ZFHX3: variants seen among roughly 807,000 people sequenced by gnomAD.
ZFHX3 encodes zinc finger homeobox 3, also known as zinc finger homeobox protein 3.
ZFHX3 carries 42 observed loss-of-function variants against 279.1 expected under a neutral mutation model. The ratio of observed to expected loss-of-function variants is 0.15; its 90% CI spans 0.12 to 0.19. ZFHX3 has a LOEUF of 0.19. Ranked by LOEUF, ZFHX3 falls within the 10% of genes least tolerant of loss-of-function variation. ZFHX3 has a pLI of 1.00. For synonymous variants in ZFHX3, 2,293 were observed against 1,957.8 expected (o/e 1.17, Z -4.52); for missense variants, 4,981 against 4,754.0 (o/e 1.05, Z -1.40).
intron 3 of ZFHX3, chr16:73,388,747 C>T (rs2016951639): frequency 6.6e-6 from 1 of 152,392 alleles, no homozygotes; most frequent in East Asian, 1.9e-4. Flanking sequence ...CCAGCCAATC[C>T]GATGCACCAA....
At chr16:73,741,659 C>G (rs772878317) in intron 1 of ZFHX3, among the ~76,000 whole-genome samples, 1 of 152,184 alleles carries the variant, frequency 6.6e-6, no homozygotes. Flanking sequence ...AAGTAGGAGA[C>G]AAAATGCCAT....
At chr16:73,026,673 C>CAAAAAAAAAAAAAAAAAAAAAA (rs10561679) in intron 1 of ZFHX3, among the ~76,000 whole-genome samples, 1 of 79,624 alleles carries the variant, frequency 1.3e-5, no homozygotes, top group East Asian at 3.2e-4. Context: ...AAAACTGCCT[C>CAAAAAAAAAAAAAAAAAAAAAA]AAAAAAAAAA....
chr16:73,192,658 C>T (rs1163191239), intron 5 of ZFHX3, among the ~76,000 whole-genome samples: 1 of 152,174 alleles, frequency 6.6e-6, no homozygotes, highest in East Asian at 1.9e-4. Flanking sequence ...AGGGCTGATC[C>T]TGTTTTTGAA....
chr16:73,727,535 A>G (rs2053529766), intron 1 of ZFHX3, among the ~76,000 whole-genome samples: 1 of 152,196 alleles, frequency 6.6e-6, no homozygotes, highest in South Asian at 2.1e-4. Context: ...TTCTTCTACC[A>G]TTAAGGATTG....
upstream of ZFHX3, among the ~76,000 whole-genome samples, chr16:73,049,162 C>T (rs1965403557): frequency 1.3e-5 from 2 of 152,322 alleles, no homozygotes; most frequent in South Asian, 4.1e-4. Context: ...CATCTGAAAG[C>T]CAGCCCCAAA....
At chr16:73,336,270 A>C (rs984282523) in intron 3 of ZFHX3, among the ~76,000 whole-genome samples, 3 of 152,144 alleles carry the variant, frequency 2.0e-5, no homozygotes, top group Non-Finnish European at 4.4e-5. Flanking sequence ...TCAGGGGTAC[A>C]TGTGCAGGTC....
chr16:73,577,126 C>G (rs1432558781), intron 2 of ZFHX3, among the ~76,000 whole-genome samples: 1 of 152,060 alleles, frequency 6.6e-6, no homozygotes, highest in African/African-American at 2.4e-5. Flanking sequence ...CAGGTCTCTA[C>G]CAGCAAAAAC....
chr16:73,109,768 G>A (rs1000716302), intron 7 of ZFHX3, among the ~76,000 whole-genome samples: 1 of 152,044 alleles, frequency 6.6e-6, no homozygotes, highest in African/African-American at 2.4e-5. Context: ...AGAGTCACTT[G>A]AACCTGGGAG....
chr16:73,265,851 C>G (rs1011689815), intron 4 of ZFHX3, among the ~76,000 whole-genome samples: 3 of 152,080 alleles, frequency 2.0e-5, no homozygotes, highest in African/African-American at 7.2e-5. Context: ...GTATGCTGGT[C>G]AAAGCATAAA....
At chr16:73,721,415 C>A (rs372159135) in intron 1 of ZFHX3, among the ~76,000 whole-genome samples, 12 of 152,178 alleles carry the variant, frequency 7.9e-5, no homozygotes, top group Non-Finnish European at 2.9e-5. Context: ...AGCCACCCAG[C>A]CTTCTTCCTC....
chr16:72,853,552 GC>G (rs2037671955), intron 4 of ZFHX3, among the ~76,000 whole-genome samples: 1 of 152,192 alleles, frequency 6.6e-6, no homozygotes, highest in Admixed American at 6.5e-5. Context: ...TTTACAATTA[GC>G]CTGGCTTTCC....
chr16:72,896,945 C>T (rs1005755786), intron 3 of ZFHX3, among the ~76,000 whole-genome samples: 2 of 152,230 alleles, frequency 1.3e-5, no homozygotes, highest in African/African-American at 4.8e-5. Context: ...CACCCGTGGC[C>T]GCCCTCTCGG....
At chr16:73,878,642 T>G (rs531650707) in intron 1 of ZFHX3, among the ~76,000 whole-genome samples, 2 of 152,172 alleles carry the variant, frequency 1.3e-5, no homozygotes, top group Non-Finnish European at 2.9e-5. Flanking sequence ...TTCTTTTTCT[T>G]AAGTCAAATC....
intron 2 of ZFHX3, among the ~76,000 whole-genome samples, chr16:73,632,684 C>CAAAA (rs61449751): frequency 2.8e-5 from 3 of 107,344 alleles, no homozygotes; most frequent in Admixed American, 9.9e-5. Context: ...GACTCTGTCT[C>CAAAA]AAAAAAAAAA....
chr16:73,308,167 G>A (rs182350128), intron 4 of ZFHX3, among the ~76,000 whole-genome samples: 304 of 141,756 alleles, frequency 2.1e-3, no homozygotes, highest in African/African-American at 7.4e-3. Context: ...TTGAGATTTA[G>A]GTTTGGCTGT....
intron 3 of ZFHX3, among the ~76,000 whole-genome samples, chr16:73,433,510 T>A (rs148893222): frequency 1.3e-5 from 2 of 152,046 alleles, no homozygotes; most frequent in East Asian, 3.9e-4. Context: ...CGTTTATAAG[T>A]TTTCAAATCC....
intron 3 of ZFHX3, among the ~76,000 whole-genome samples, chr16:73,329,273 G>T (rs914805254): frequency 2.0e-5 from 3 of 152,248 alleles, no homozygotes; most frequent in African/African-American, 7.2e-5. Context: ...CACATGGTGG[G>T]GAGCACGGGG....
At chr16:73,534,699 T>C (rs1320459511) in intron 2 of ZFHX3, among the ~76,000 whole-genome samples, 1 of 152,208 alleles carries the variant, frequency 6.6e-6, no homozygotes, top group Non-Finnish European at 1.5e-5. Flanking sequence ...TAATGCACAA[T>C]AAATGTTAGC....
intron 2 of ZFHX3, among the ~76,000 whole-genome samples, chr16:73,514,486 A>ACTT (rs2019486784): frequency 6.6e-6 from 1 of 152,154 alleles, no homozygotes; most frequent in African/African-American, 2.4e-5. Flanking sequence ...TATTATTATT[A>ACTT]CTTTATATAT....
Sources: gnomAD v4.1 joint callset for allele counts (sites outside exome capture counted in the v4.1 genomes callset) on GRCh38, gnomAD v4.1.1 for gene constraint, MANE v1.5 for transcripts, NCBI Gene and HGNC (gene_info 2026-07-23, HGNC 2026-07-21) for gene names.